Variants in IAH1 observed in about 807,000 individuals in gnomAD.
The protein encoded by IAH1 is isoamyl acetate-hydrolyzing esterase 1 homolog.
A neutral mutation model predicts 26.7 loss-of-function variants in IAH1; 24 were observed. The ratio of observed to expected loss-of-function variants is 0.90; its 90% CI spans 0.65 to 1.26. The LOEUF (loss-of-function observed/expected upper bound fraction) is 1.26. Ranked by LOEUF, IAH1 falls within the 50% of genes most tolerant of loss-of-function variation. IAH1 has a pLI of 0.00. For synonymous variants in IAH1, 140 were observed against 118.5 expected, an observed-to-expected ratio of 1.18 and a Z score of -1.18; for missense variants, 300 against 299.9, an observed-to-expected ratio of 1.00 and a Z score of 0.00.
In IAH1 at chr2:9,481,436, G is replaced by GC. The variant is rs1661166210; in HGVS notation, c.435dup (p.Ile146HisfsTer16). On this transcript the variant is annotated frameshift_variant, in exon 4 of 6. Coordinates refer to ENST00000497473, the MANE Select transcript of IAH1 (RefSeq NM_001039613.3). LOFTEE classifies it high-confidence loss of function. Reference sequence around the variant, plus strand: ...TGTGAAACAGCCTGGGAAGAACAGTGCATCATACAAGGTAAACAAACCACA... The same window carrying GC: ...TGTGAAACAGCCTGGGAAGAACAGTGCCATCATACAAGGTAAACAAACCACA... The GC allele has an allele frequency of 6.2e-7, 1 of 1,614,022 alleles. No homozygotes were observed. The highest frequency in any genetic ancestry group is 8.5e-7 in the Non-Finnish European group (1 of 1,180,022).
At chr2:9,481,471 G>T in intron 4 of IAH1, 24 bp downstream of exon 4, 1 of 1,612,400 alleles carries the variant, frequency 6.2e-7, no homozygotes, top group Admixed American at 1.7e-5. Context: ...AGCCAATCTC[G>T]GCAAATCTGG....
chr2:9,495,767 G>A (rs1662539902), intron 6 of IAH1, among the ~76,000 whole-genome samples: 1 of 151,064 alleles, frequency 6.6e-6, no homozygotes, highest in African/African-American at 2.4e-5. Flanking sequence ...ATATTTCTTG[G>A]ACTTTTACTG....
downstream of IAH1, among the ~76,000 whole-genome samples, chr2:9,491,575 C>T (rs930064644): frequency 7.2e-6 from 1 of 139,136 alleles, no homozygotes; most frequent in Non-Finnish European, 1.6e-5. Context: ...TTCGCACTGC[C>T]CCGGCCCATG....
chr2:9,488,037 C>G (rs1256031850), intron 5 of IAH1, 110 bp from the exon 6 acceptor site: 1 of 735,842 alleles, frequency 1.4e-6, no homozygotes, highest in East Asian at 2.8e-5. Context: ...GAGACAGGGT[C>G]TCAAACTCCT....
chr2:9,490,365 G>A (rs1344724498), downstream of IAH1: 3 of 1,614,040 alleles, frequency 1.9e-6, no homozygotes, highest in African/African-American at 2.7e-5. Context: ...GGGTCTTCCT[G>A]GATGGTGTCC....
chr2:9,505,246 C>T, the IAH1 span: 2 of 1,614,094 alleles, frequency 1.2e-6, no homozygotes, highest in East Asian at 4.5e-5. Context: ...CAGGATCACA[C>T]TCTTCTCCTT....
At chr2:9,500,695 A>T (rs1315731072), downstream of IAH1, among the ~76,000 whole-genome samples, 1 of 152,252 alleles carries the variant, frequency 6.6e-6, no homozygotes, top group Non-Finnish European at 1.5e-5. Context: ...TTGCTTTTTG[A>T]CAATTTAAGT....
intron 4 of IAH1, among the ~76,000 whole-genome samples, chr2:9,483,338 G>A (rs549553992): frequency 6.6e-6 from 1 of 152,224 alleles, no homozygotes; most frequent in Non-Finnish European, 1.5e-5. Context: ...TCCACCTCTG[G>A]GCTCAGGTGA....
In IAH1 at chr2:9,488,209, C is replaced by T; in HGVS notation, c.627C>T (p.Phe209=). The T allele has an allele frequency of 1.2e-6, 2 of 1,613,368 alleles. No individual in the cohort carries two copies. Among genetic ancestry groups the T allele is most frequent in the Non-Finnish European group, 8.5e-7 (1 of 1,179,716 alleles). The part of the protein sequence containing the change: ...HLSPKGNEFL[F]SHLWPLIEKK... ...CTCCAAAGGGGAATGAATTTTTGTT[C>T]TCGCATCTCTGGCCTTTGATAGAGA... Residue 209 remains phenylalanine, a synonymous_variant, in exon 6 of 6, where the codon TTC becomes TTT. Transcript: ENST00000497473.
At chr2:9,493,617 A>C (rs60242963), downstream of IAH1, 1,306 of 727,162 alleles carry the variant, frequency 1.8e-3, 12 homozygotes, top group African/African-American at 0.022. Flanking sequence ...AAGTTGTTTC[A>C]TAACTAAAGC....
downstream of IAH1, chr2:9,490,633 G>C: frequency 8.8e-7 from 1 of 1,142,550 alleles, no homozygotes; most frequent in Non-Finnish European, 1.2e-6. Context: ...GTGATGCTAA[G>C]AAAAAAGTGC....
At chr2:9,491,946 T>A, downstream of IAH1, among the ~76,000 whole-genome samples, 1 of 152,192 alleles carries the variant, frequency 6.6e-6, no homozygotes, top group Non-Finnish European at 1.5e-5. Context: ...GGCACTGTCA[T>A]CCAGAGACAT....
At chr2:9,498,746 CTCAGGGAAGGTTTATA>C (rs766623840), downstream of IAH1, among the ~76,000 whole-genome samples, 1 of 152,170 alleles carries the variant, frequency 6.6e-6, no homozygotes, top group Non-Finnish European at 1.5e-5. Context: ...GTCCAGTGAG[CTCAGGGAAGGTTTATA>C]TTGTGGATCA....
intron 6 of IAH1, among the ~76,000 whole-genome samples, chr2:9,495,542 A>C (rs1404775630): frequency 2.6e-5 from 4 of 152,066 alleles, no homozygotes; most frequent in Non-Finnish European, 5.9e-5. Flanking sequence ...GCAAGACCCC[A>C]TCTCTACTAA....
intron 3 of IAH1, among the ~76,000 whole-genome samples, chr2:9,478,683 A>C (rs1420631472): frequency 6.6e-6 from 1 of 152,170 alleles, no homozygotes; most frequent in Non-Finnish European, 1.5e-5. Context: ...AAGCTTAAGG[A>C]TACCTTGTGG....
intron 3 of IAH1, among the ~76,000 whole-genome samples, chr2:9,480,572 T>A (rs13032333): frequency 0.22 from 33,335 of 152,098 alleles, 4,575 homozygotes; most frequent in Non-Finnish European, 0.31. Flanking sequence ...CTCATTTTTT[T>A]AAAAGTGTAT....
At chr2:9,505,027 A>C in the IAH1 span, 1 of 946,796 alleles carries the variant, frequency 1.1e-6, no homozygotes. Flanking sequence ...CTTGCTGTGA[A>C]GGGCAAAAGA....
intron 2 of IAH1, among the ~76,000 whole-genome samples, chr2:9,477,678 TC>T (rs1553351219): frequency 2.0e-5 from 3 of 150,314 alleles, no homozygotes; most frequent in East Asian, 2.0e-4. Context: ...TTTTTTTTTT[TC>T]CCCCATTACA....
chr2:9,485,075 A>G (rs1196996815), intron 5 of IAH1: 1 of 152,798 alleles, frequency 6.5e-6, no homozygotes, highest in East Asian at 1.9e-4. Context: ...CTGGCAGTCC[A>G]CTCCTGGGTT....
Sources: allele counts gnomAD v4.1 joint callset (sites outside exome capture counted in the v4.1 genomes callset), GRCh38; gene constraint gnomAD v4.1.1; transcripts MANE v1.5; gene names NCBI Gene and HGNC (gene_info 2026-07-23, HGNC 2026-07-21).